The following MAP2K4 variants were observed in gnomAD, a reference collection of about 807,000 sequenced individuals.
MAP2K4 encodes the protein mitogen-activated protein kinase kinase 4.
A neutral mutation model predicts 48.5 loss-of-function variants in MAP2K4; 4 were observed. The observed-to-expected ratio is 0.08, with a 90% CI of 0.04 to 0.19. The LOEUF is 0.19. Among genes scored for constraint, MAP2K4 ranks in the 10% least tolerant of loss-of-function variants. The pLI, the probability that MAP2K4 is intolerant of heterozygous loss-of-function variation, is 1.00. For synonymous variants in MAP2K4, 166 were observed against 173.1 expected, an observed-to-expected ratio of 0.96 and a Z score of 0.32; for missense variants, 258 against 493.3, an observed-to-expected ratio of 0.52 and a Z score of 4.52.
chr17:12,023,856 C>T (rs909143727), intron 1 of MAP2K4, among the ~76,000 whole-genome samples: 1 of 152,164 alleles, frequency 6.6e-6, no homozygotes, highest in Non-Finnish European at 1.5e-5. Flanking sequence ...GTGGGAATAA[C>T]GCTTACCTCC....
At chr17:12,024,697 A>G (rs1053224235) in intron 1 of MAP2K4, among the ~76,000 whole-genome samples, 3 of 152,190 alleles carry the variant, frequency 2.0e-5, no homozygotes, top group African/African-American at 7.2e-5. Flanking sequence ...ATAATTTGTT[A>G]ATGTAGATAG....
At chr17:12,092,089 C>G (rs1318094220) in intron 3 of MAP2K4, among the ~76,000 whole-genome samples, 1 of 151,946 alleles carries the variant, frequency 6.6e-6, no homozygotes, top group Non-Finnish European at 1.5e-5. Context: ...ACTTAATGTT[C>G]TTGAGTTGAT....
At position 12,141,907 on chromosome 17, in the gene MAP2K4, C is replaced by T. The variant is rs1249242020; in HGVS notation, c.*647C>T. ...TTTATCTTTACCAAAAACCATGTTG[C>T]GTTCAAAGAGGTGAACATTAAAATA... On this transcript the variant is annotated 3_prime_UTR_variant, in exon 11 of 11. Coordinates refer to ENST00000353533, the MANE Select transcript of MAP2K4 (RefSeq NM_003010.4). 1.3e-5 allele frequency: 3 copies of T among 233,280 alleles called. No homozygotes were observed. Among genetic ancestry groups the T allele is most frequent in the Non-Finnish European group, 2.5e-5 (3 of 117,894 alleles). 14.5% of individuals were successfully genotyped at this position (233,280 alleles called of 1,614,324 possible).
intron 7 of MAP2K4, among the ~76,000 whole-genome samples, chr17:12,120,735 G>A (rs1293761382): frequency 2.0e-5 from 3 of 152,122 alleles, no homozygotes; most frequent in Non-Finnish European, 2.9e-5. Flanking sequence ...CTAGCAGAAT[G>A]CCTCCTCATT....
intron 5 of MAP2K4, 90 bp downstream of exon 5, chr17:12,107,999 C>G: frequency 8.7e-7 from 1 of 1,149,864 alleles, no homozygotes; most frequent in Non-Finnish European, 1.2e-6. Context: ...GAGTGTCACT[C>G]ACAGTACCTT....
At chr17:12,041,044 A>G (rs935023631) in intron 1 of MAP2K4, among the ~76,000 whole-genome samples, 1 of 152,272 alleles carries the variant, frequency 6.6e-6, no homozygotes, top group Non-Finnish European at 1.5e-5. Context: ...TACTGTATAC[A>G]CATGAAGTAG....
intron 7 of MAP2K4, among the ~76,000 whole-genome samples, chr17:12,121,194 C>T (rs1403607543): frequency 2.0e-5 from 3 of 152,092 alleles, no homozygotes. Context: ...TATAAAATTA[C>T]CTTCAGGCTA....
At chr17:12,134,430 G>A (rs932179893) in intron 9 of MAP2K4, among the ~76,000 whole-genome samples, 1 of 152,196 alleles carries the variant, frequency 6.6e-6, no homozygotes, top group African/African-American at 2.4e-5. Flanking sequence ...AACTGAATGG[G>A]GGAAAATGGT....
At chr17:12,046,014 C>A (rs913625562) in intron 1 of MAP2K4, among the ~76,000 whole-genome samples, 9 of 152,184 alleles carry the variant, frequency 5.9e-5, no homozygotes, top group Non-Finnish European at 1.3e-4. Flanking sequence ...GGCTAGAACT[C>A]TCAGCACATG....
At chr17:12,056,656 T>C (rs1597419732) in intron 2 of MAP2K4, among the ~76,000 whole-genome samples, 1 of 152,220 alleles carries the variant, frequency 6.6e-6, no homozygotes, top group South Asian at 2.1e-4. Context: ...TCAATTGTTC[T>C]GGGTTAGGAA....
intron 1 of MAP2K4, among the ~76,000 whole-genome samples, chr17:12,051,316 A>G (rs1970133695): frequency 6.6e-6 from 1 of 152,182 alleles, no homozygotes; most frequent in Non-Finnish European, 1.5e-5. Flanking sequence ...TCCAGCCAAT[A>G]ACCATATAGG....
At chr17:12,059,465 T>G (rs1970383011) in intron 2 of MAP2K4, among the ~76,000 whole-genome samples, 1 of 152,260 alleles carries the variant, frequency 6.6e-6, no homozygotes, top group Non-Finnish European at 1.5e-5. Context: ...TAGAATATAT[T>G]CAGTACAATT....
At chr17:12,024,222 A>G (rs1257130176) in intron 1 of MAP2K4, among the ~76,000 whole-genome samples, 1 of 152,156 alleles carries the variant, frequency 6.6e-6, no homozygotes, top group Non-Finnish European at 1.5e-5. Context: ...ACAGAAGTCT[A>G]GCTATCAATT....
chr17:12,137,483 A>G (rs1481714178), intron 9 of MAP2K4, among the ~76,000 whole-genome samples: 1 of 152,222 alleles, frequency 6.6e-6, no homozygotes, highest in Non-Finnish European at 1.5e-5. Context: ...ATAGCTGTTG[A>G]TATAAAAGAC....
At chr17:12,069,502 A>C (rs552777021) in intron 2 of MAP2K4, among the ~76,000 whole-genome samples, 28 of 152,242 alleles carry the variant, frequency 1.8e-4, no homozygotes, top group African/African-American at 6.3e-4. Context: ...GTATGTCATA[A>C]ATCAGTACTA....
chr17:12,095,923 G>GTGTGTGTA (rs975429970), intron 4 of MAP2K4, among the ~76,000 whole-genome samples: 131 of 149,056 alleles, frequency 8.8e-4, no homozygotes, highest in African/African-American at 3.2e-3. Context: ...GTGTGTGTGT[G>GTGTGTGTA]TGTGTATTTT....
intron 7 of MAP2K4, among the ~76,000 whole-genome samples, chr17:12,123,143 G>A (rs972220582): frequency 6.6e-5 from 10 of 151,976 alleles, no homozygotes; most frequent in Non-Finnish European, 1.3e-4. Flanking sequence ...GTTGGGAAGC[G>A]TACCATCTCT....
chr17:12,106,611 C>T (rs1172084479), intron 4 of MAP2K4, among the ~76,000 whole-genome samples: 1 of 151,694 alleles, frequency 6.6e-6, no homozygotes, highest in East Asian at 1.9e-4. Context: ...ATTATATAAT[C>T]GAAGGATAGG....
chr17:12,132,301 A>G (rs917969991), intron 9 of MAP2K4, among the ~76,000 whole-genome samples: 1 of 152,226 alleles, frequency 6.6e-6, no homozygotes, highest in African/African-American at 2.4e-5. Flanking sequence ...ATGTCCGGAA[A>G]AGCACATTTA....
Sources: allele counts gnomAD v4.1 joint callset (sites outside exome capture counted in the v4.1 genomes callset), GRCh38; gene constraint gnomAD v4.1.1; transcripts MANE v1.5; gene names NCBI Gene and HGNC (gene_info 2026-07-23, HGNC 2026-07-21).